AIG1: variants seen among roughly 807,000 people sequenced by gnomAD.
The protein encoded by AIG1 is androgen-induced gene 1 protein.
Under a neutral mutation model 31.4 loss-of-function variants are expected in AIG1, and 23 were observed. That is an observed-to-expected ratio of 0.73 (90% CI 0.53 to 1.04). The LOEUF is 1.04. Among genes scored for constraint, AIG1 ranks in the 50% least tolerant of loss-of-function variants. The pLI is 0.00. For missense variants in AIG1, 274 were observed against 295.0 expected (o/e 0.93, Z 0.52); for synonymous variants, 100 against 110.5 (o/e 0.90, Z 0.60).
intron 3 of AIG1, among the ~76,000 whole-genome samples, chr6:143,195,021 T>C (rs1790109080): frequency 2.0e-5 from 3 of 152,346 alleles, no homozygotes; most frequent in Middle Eastern, 6.8e-3. Flanking sequence ...ACATATTTAT[T>C]TAACCCCTTG....
chr6:143,257,690 G>C (rs1045063796), intron 3 of AIG1, among the ~76,000 whole-genome samples: 9 of 152,130 alleles, frequency 5.9e-5, no homozygotes, highest in Admixed American at 3.3e-4. Context: ...TTTGCCTCAG[G>C]TCATGCAGAG....
At chr6:143,231,077 TTTC>T (rs1277808426) in intron 3 of AIG1, among the ~76,000 whole-genome samples, 1 of 152,246 alleles carries the variant, frequency 6.6e-6, no homozygotes, top group Non-Finnish European at 1.5e-5. Flanking sequence ...CCAGCAAAAC[TTTC>T]TTAAAGTTAC....
chr6:143,329,833 T>C lies in AIG1; in HGVS notation c.516-3449T>C, dbSNP rs1776926416. On this transcript the variant is annotated intron_variant, in intron 4 of 5. Coordinates refer to ENST00000357847, the MANE Select transcript of AIG1 (RefSeq NM_016108.4). This position sits in a 1 kb window ranked among gnomAD's most constrained non-coding sequence, Gnocchi z 4.9. Reference sequence around the variant, plus strand: ...ATAAATAAAGTTTTATTGGAACACATCCACACTCGTTTACATATTGTCTAT... The same window carrying C: ...ATAAATAAAGTTTTATTGGAACACACCCACACTCGTTTACATATTGTCTAT... Among the ~76,000 whole-genome samples the C allele has an allele frequency of 6.6e-6, 1 of 152,234 alleles. No individual in the cohort carries two copies. The highest frequency in any genetic ancestry group is 1.5e-5 in the Non-Finnish European group (1 of 68,042).
intron 3 of AIG1, among the ~76,000 whole-genome samples, chr6:143,237,604 T>C (rs899056717): frequency 6.6e-6 from 1 of 152,222 alleles, no homozygotes; most frequent in Non-Finnish European, 1.5e-5. Context: ...CTCTCTCCCC[T>C]AGTTTCTTCA....
At chr6:143,260,150 A>G (rs2128656972) in intron 3 of AIG1, among the ~76,000 whole-genome samples, 1 of 151,220 alleles carries the variant, frequency 6.6e-6, no homozygotes, top group South Asian at 2.1e-4. Context: ...CAGCCTCCCA[A>G]GTAGCTGGGA....
intron 1 of AIG1, among the ~76,000 whole-genome samples, chr6:143,123,560 C>A (rs1342196943): frequency 1.3e-5 from 2 of 151,812 alleles, no homozygotes; most frequent in African/African-American, 4.8e-5. Context: ...TCATTTATAT[C>A]TTGCTTTTAT....
chr6:143,187,293 CT>C, intron 3 of AIG1: 1 of 1,029,050 alleles, frequency 9.7e-7, no homozygotes, highest in South Asian at 1.4e-5. Flanking sequence ...GAGAATTTGA[CT>C]GCTAATATTC....
chr6:143,308,974 C>T (rs1334070548), intron 4 of AIG1, among the ~76,000 whole-genome samples: 2 of 151,630 alleles, frequency 1.3e-5, no homozygotes, highest in Non-Finnish European at 2.9e-5. Context: ...AGAAAAACTA[C>T]AAATACCAAA....
In AIG1 at chr6:143,279,692, G is replaced by C. The variant is rs368834505; in HGVS notation, c.400-4418G>C. ...GAGTCAGTTCACTCCGCTCCATCAC[G>C]GGGGACCCACCAAGACCCCATTAAG... On this transcript the variant is annotated intron_variant, in intron 3 of 5. Transcript: ENST00000357847. This position sits in a 1 kb window ranked among gnomAD's most constrained non-coding sequence, Gnocchi z 5.4. Among the ~76,000 whole-genome samples, 1 of 152,014 alleles carries C rather than the reference G, an allele frequency of 6.6e-6. No individual in the cohort carries two copies. The highest frequency in any genetic ancestry group is 1.5e-5 in the Non-Finnish European group (1 of 67,998).
At chr6:143,065,948 T>C (rs146112437) in intron 1 of AIG1, among the ~76,000 whole-genome samples, 2 of 152,334 alleles carry the variant, frequency 1.3e-5, no homozygotes, top group Admixed American at 1.3e-4. Flanking sequence ...TTGAGAGTCA[T>C]CCTCTCTTAG....
chr6:143,163,072 T>A (rs893108583), intron 2 of AIG1, among the ~76,000 whole-genome samples: 4 of 152,148 alleles, frequency 2.6e-5, no homozygotes, highest in African/African-American at 7.2e-5. Context: ...AGACCTGGGA[T>A]CCTGCATATT....
At chr6:143,265,397 ACT>A (rs1237216507) in intron 3 of AIG1, among the ~76,000 whole-genome samples, 2 of 152,038 alleles carry the variant, frequency 1.3e-5, no homozygotes, top group African/African-American at 4.8e-5. Flanking sequence ...GAATCCAGGA[ACT>A]CTGTTTTATG....
intron 3 of AIG1, among the ~76,000 whole-genome samples, chr6:143,181,014 T>C (rs1313978330): frequency 6.6e-6 from 1 of 152,218 alleles, no homozygotes; most frequent in East Asian, 1.9e-4. Context: ...ATGTTATTCT[T>C]TTGGTAGATA....
At chr6:143,169,499 G>T (rs949667823) in intron 3 of AIG1, among the ~76,000 whole-genome samples, 1 of 151,928 alleles carries the variant, frequency 6.6e-6, no homozygotes, top group Admixed American at 6.6e-5. Flanking sequence ...GTAAATTATT[G>T]TTAACCTATA....
intron 1 of AIG1, among the ~76,000 whole-genome samples, chr6:143,131,806 A>G (rs184194269): frequency 4.6e-4 from 70 of 152,326 alleles, no homozygotes; most frequent in African/African-American, 1.6e-3. Flanking sequence ...TAAAACCTAG[A>G]GTAACCTTCC....
At chr6:143,215,276 T>G (rs1233782249) in intron 3 of AIG1, among the ~76,000 whole-genome samples, 1 of 152,186 alleles carries the variant, frequency 6.6e-6, no homozygotes, top group Non-Finnish European at 1.5e-5. Context: ...AAGGTATGGA[T>G]GAGCTGTGAA....
At chr6:143,074,641 T>C (rs1450492330) in intron 1 of AIG1, among the ~76,000 whole-genome samples, 1 of 152,204 alleles carries the variant, frequency 6.6e-6, no homozygotes, top group Non-Finnish European at 1.5e-5. Context: ...TTACCATAGC[T>C]TTGTAGTGTA....
Position 143,315,932 on chromosome 6 carries a change from T to C in AIG1, c.516-17350T>C, listed in dbSNP as rs142690896. Among the ~76,000 whole-genome samples the C allele has an allele frequency of 7.6e-3, 1,158 of 152,028 alleles. 14 individuals carry two copies. The highest frequency in any genetic ancestry group is 0.027 in the African/African-American group (1,114 of 41,490). On this transcript the variant is annotated intron_variant, in intron 4 of 5. Transcript: ENST00000357847. Reference sequence around the variant, plus strand: ...ATAGGGGAAAAAAAGAGGGGAGAGATTGTAAGAGGACTGAAGCCATATCTT... The same window carrying C: ...ATAGGGGAAAAAAAGAGGGGAGAGACTGTAAGAGGACTGAAGCCATATCTT...
chr6:143,189,461 T>G, intron 3 of AIG1: 1 of 982,800 alleles, frequency 1.0e-6, no homozygotes, highest in South Asian at 4.7e-5. Flanking sequence ...AGTAATTTAT[T>G]ATATATTGAA....
Sources: allele counts gnomAD v4.1 joint callset (sites outside exome capture counted in the v4.1 genomes callset), GRCh38; gene constraint gnomAD v4.1.1; non-coding constraint Gnocchi (gnomAD v3.1); transcripts MANE v1.5; gene names NCBI Gene and HGNC (gene_info 2026-07-23, HGNC 2026-07-21).